LRRC4C: variants seen among roughly 807,000 people sequenced by gnomAD.
The protein encoded by LRRC4C is leucine rich repeat containing 4C, also known as leucine-rich repeat-containing protein 4C.
A neutral mutation model predicts 33.6 loss-of-function variants in LRRC4C; 5 were observed. That is an observed-to-expected ratio of 0.15 (90% CI 0.08 to 0.31). The LOEUF (loss-of-function observed/expected upper bound fraction) is 0.31. Among genes scored for constraint, LRRC4C ranks in the 10% least tolerant of loss-of-function variants. LRRC4C has a pLI of 1.00. For synonymous variants in LRRC4C, 329 were observed against 302.0 expected (o/e 1.09, Z -0.93); for missense variants, 560 against 796.7 (o/e 0.70, Z 3.58).
At chr11:40,867,265 T>A (rs1316467424) in intron 2 of LRRC4C, among the ~76,000 whole-genome samples, 2 of 152,138 alleles carry the variant, frequency 1.3e-5, no homozygotes, top group Admixed American at 1.3e-4. Flanking sequence ...ATATCTACAA[T>A]GTAGGAAGCA....
At chr11:40,971,294 C>T (rs895441632) in intron 1 of LRRC4C, among the ~76,000 whole-genome samples, 3 of 152,210 alleles carry the variant, frequency 2.0e-5, no homozygotes, top group African/African-American at 7.2e-5. Context: ...CTGCCCTGCA[C>T]ATCCTCAGGA....
chr11:40,882,729 T>G (rs912279508), intron 2 of LRRC4C, among the ~76,000 whole-genome samples: 3 of 152,120 alleles, frequency 2.0e-5, no homozygotes, highest in Non-Finnish European at 4.4e-5. Flanking sequence ...ACACTGTAAT[T>G]ATTTACTGCC....
At chr11:40,637,706 C>T (rs11035980) in intron 3 of LRRC4C, among the ~76,000 whole-genome samples, 1 of 152,040 alleles carries the variant, frequency 6.6e-6, no homozygotes. Flanking sequence ...TAGAATCCAA[C>T]CAGTTCTTAC....
At chr11:40,554,487 A>G (rs1332075603) in intron 3 of LRRC4C, among the ~76,000 whole-genome samples, 2 of 152,014 alleles carry the variant, frequency 1.3e-5, no homozygotes. Flanking sequence ...CTTTTTTTCT[A>G]ATTCTGTAAA....
chr11:40,750,216 T>C (rs1446715385), intron 2 of LRRC4C, among the ~76,000 whole-genome samples: 2 of 152,006 alleles, frequency 1.3e-5, no homozygotes, highest in Non-Finnish European at 2.9e-5. Flanking sequence ...AGTGAGACCC[T>C]GTCTCAAAAA....
At chr11:40,778,430 G>T (rs1381534353) in intron 2 of LRRC4C, among the ~76,000 whole-genome samples, 1 of 152,120 alleles carries the variant, frequency 6.6e-6, no homozygotes, top group Non-Finnish European at 1.5e-5. Context: ...AGTGCAAAAT[G>T]GTTGAATCTT....
chr11:41,023,922 C>A (rs1280686292), intron 1 of LRRC4C, among the ~76,000 whole-genome samples: 2 of 151,696 alleles, frequency 1.3e-5, no homozygotes, highest in African/African-American at 4.8e-5. Flanking sequence ...CTGTTCGGGA[C>A]AAACTAATGG....
chr11:40,232,135 T>C (rs1044066941), intron 5 of LRRC4C, among the ~76,000 whole-genome samples: 3 of 152,180 alleles, frequency 2.0e-5, no homozygotes, highest in Non-Finnish European at 4.4e-5. Flanking sequence ...ACCTCCCAAG[T>C]AGCCGAGATT....
intron 3 of LRRC4C, among the ~76,000 whole-genome samples, chr11:40,458,926 C>A (rs1952260364): frequency 6.6e-6 from 1 of 151,660 alleles, no homozygotes; most frequent in African/African-American, 2.4e-5. Context: ...CAGTTAAGTT[C>A]TTTGGAAATT....
intron 1 of LRRC4C, among the ~76,000 whole-genome samples, chr11:41,186,055 T>C (rs1482336119): frequency 1.3e-5 from 2 of 152,010 alleles, no homozygotes; most frequent in African/African-American, 2.4e-5. Flanking sequence ...TGTCCAGCCT[T>C]GATAATTATA....
chr11:40,710,135 A>G (rs1564962960), intron 2 of LRRC4C, among the ~76,000 whole-genome samples: 1 of 152,228 alleles, frequency 6.6e-6, no homozygotes, highest in Non-Finnish European at 1.5e-5. Flanking sequence ...GGGTTTGAAC[A>G]TCCTCCTTTA....
chr11:40,927,531 A>G (rs1329518917), intron 2 of LRRC4C, among the ~76,000 whole-genome samples: 1 of 152,208 alleles, frequency 6.6e-6, no homozygotes. Flanking sequence ...CACCTTGAGT[A>G]CATAAAGAAT....
At chr11:40,649,895 G>T (rs1942686007) in intron 2 of LRRC4C, among the ~76,000 whole-genome samples, 1 of 152,096 alleles carries the variant, frequency 6.6e-6, no homozygotes, top group Non-Finnish European at 1.5e-5. Context: ...ACAACAAATT[G>T]TAAAGCAAAG....
chr11:41,326,563 G>A (rs1454997923), intron 1 of LRRC4C, among the ~76,000 whole-genome samples: 1 of 151,998 alleles, frequency 6.6e-6, no homozygotes, highest in Non-Finnish European at 1.5e-5. Context: ...GAAGATAAAA[G>A]TTAAAAATAT....
At chr11:40,815,283 A>T (rs564140737) in intron 2 of LRRC4C, among the ~76,000 whole-genome samples, 1 of 152,220 alleles carries the variant, frequency 6.6e-6, no homozygotes, top group Non-Finnish European at 1.5e-5. Flanking sequence ...TGTGAGACTT[A>T]TTCACTATCG....
At chr11:40,226,350 A>G (rs554470112) in intron 5 of LRRC4C, among the ~76,000 whole-genome samples, 1 of 152,266 alleles carries the variant, frequency 6.6e-6, no homozygotes, top group Admixed American at 6.5e-5. Context: ...TCCTATGACC[A>G]ATTTTCTACA....
chr11:40,938,341 G>A (rs537851114), intron 1 of LRRC4C, among the ~76,000 whole-genome samples: 3 of 147,136 alleles, frequency 2.0e-5, no homozygotes, highest in Admixed American at 6.6e-5. Context: ...GGTGAGGAAA[G>A]CCTATGGATA....
chr11:41,313,540 G>A (rs1207144416), intron 1 of LRRC4C, among the ~76,000 whole-genome samples: 1 of 152,092 alleles, frequency 6.6e-6, no homozygotes, highest in Non-Finnish European at 1.5e-5. Context: ...TTGAGGGTTG[G>A]TAGGTATGTT....
chr11:40,956,120 G>A (rs936253815), intron 1 of LRRC4C, among the ~76,000 whole-genome samples: 2 of 151,706 alleles, frequency 1.3e-5, no homozygotes, highest in African/African-American at 4.8e-5. Context: ...GTGAGCAATG[G>A]AACAACGTAT....
Sources: allele counts gnomAD v4.1 joint callset (sites outside exome capture counted in the v4.1 genomes callset), GRCh38; gene constraint gnomAD v4.1.1; transcripts MANE v1.5; gene names NCBI Gene and HGNC (gene_info 2026-07-23, HGNC 2026-07-21).